Variants in ARMC9 observed in about 807,000 individuals in gnomAD.
ARMC9 encodes the protein lisH domain-containing protein ARMC9.
A neutral mutation model predicts 107.0 loss-of-function variants in ARMC9; 94 were observed. That is an observed-to-expected ratio of 0.88 (90% CI 0.74 to 1.04). The LOEUF is 1.04. Among genes scored for constraint, ARMC9 ranks in the 50% least tolerant of loss-of-function variants. The pLI is 0.00. For synonymous variants in ARMC9, 380 were observed against 396.9 expected, an observed-to-expected ratio of 0.96 and a Z score of 0.51; for missense variants, 942 against 1,030.1, an observed-to-expected ratio of 0.91 and a Z score of 1.17.
intron 7 of ARMC9, among the ~76,000 whole-genome samples, chr2:231,228,931 T>C (rs1323271866): frequency 6.6e-6 from 1 of 152,118 alleles, no homozygotes; most frequent in Non-Finnish European, 1.5e-5. Flanking sequence ...GGGAGCATTA[T>C]GTAAATCTGA....
intron 20 of ARMC9, among the ~76,000 whole-genome samples, chr2:231,332,789 C>T (rs892934546): frequency 6.6e-6 from 1 of 152,118 alleles, no homozygotes; most frequent in Non-Finnish European, 1.5e-5. Flanking sequence ...GACTGAAACC[C>T]TGTGTGGGAC....
Position 231,371,658 on chromosome 2 carries a change from G to A in ARMC9, c.*123G>A, listed in dbSNP as rs2046024689. The A allele has an allele frequency of 9.8e-7, 1 of 1,025,116 alleles. No individual in the cohort carries two copies. Among genetic ancestry groups the A allele is most frequent in the Non-Finnish European group, 1.3e-6 (1 of 799,350 alleles). The allele number at this position is 1,025,116 out of a possible 1,614,324, so 63.5% of individuals were successfully genotyped here. On this transcript the variant is annotated 3_prime_UTR_variant, in exon 25 of 25. Coordinates refer to ENST00000611582, the MANE Select transcript of ARMC9 (RefSeq NM_001352754.2). ...TGTCCACAAGACTCTGGGAGCTGAG[G>A]GGAGGCCGGCTCTCCAGGCAGCACC... is the stretch of plus-strand genomic sequence containing the variant.
At chr2:231,353,387 T>C (rs2045188294) in intron 21 of ARMC9, among the ~76,000 whole-genome samples, 1 of 124,932 alleles carries the variant, frequency 8.0e-6, no homozygotes, top group Admixed American at 7.2e-5. Flanking sequence ...GGGGTTTCAC[T>C]GTGTTAGGAT....
intron 16 of ARMC9, among the ~76,000 whole-genome samples, chr2:231,280,629 C>T (rs1347190805): frequency 5.3e-5 from 8 of 151,988 alleles, no homozygotes; most frequent in Non-Finnish European, 4.4e-5. Context: ...AAAAGATGCA[C>T]ATAACTGACT....
At position 231,372,973 on chromosome 2, in the gene ARMC9, A is replaced by T. The variant is rs1421996979; in HGVS notation, c.*1438A>T. On this transcript the variant is annotated 3_prime_UTR_variant, in exon 25 of 25. Transcript: ENST00000611582. ...TTACCCATGAGATGACCAGAAGCTCATCCAGGGCCGGGACCCTGGTTCATC... is the reference window on the plus strand; with the variant it reads ...TTACCCATGAGATGACCAGAAGCTCTTCCAGGGCCGGGACCCTGGTTCATC... 6.6e-6 allele frequency: 1 copy of T among 152,206 alleles called. No homozygotes were observed. The highest frequency in any genetic ancestry group is 2.4e-5 in the African/African-American group (1 of 41,440). The allele number at this position is 152,206 out of a possible 1,614,324, so 9.4% of individuals were successfully genotyped here.
At chr2:231,325,941 A>C (rs562047436) in intron 19 of ARMC9, among the ~76,000 whole-genome samples, 1 of 152,164 alleles carries the variant, frequency 6.6e-6, no homozygotes, top group Non-Finnish European at 1.5e-5. Flanking sequence ...GGTAACTGTG[A>C]GCCTGGGCCC....
intron 11 of ARMC9, among the ~76,000 whole-genome samples, chr2:231,259,527 C>T (rs1018830071): frequency 1.4e-4 from 22 of 152,160 alleles, no homozygotes; most frequent in African/African-American, 5.3e-4. Context: ...GTCCTGGTCC[C>T]CATCGCTACT....
intron 12 of ARMC9, 44 bp downstream of exon 12, chr2:231,262,442 C>A: frequency 1.3e-6 from 2 of 1,529,348 alleles, no homozygotes; most frequent in East Asian, 2.3e-5. Context: ...GCCTTCAATT[C>A]TAGGGAATGA....
intron 7 of ARMC9, among the ~76,000 whole-genome samples, chr2:231,233,477 TAA>T (rs1219422715): frequency 6.6e-6 from 1 of 152,084 alleles, no homozygotes; most frequent in Non-Finnish European, 1.5e-5. Context: ...CTGCCACTTT[TAA>T]AAGTTATCTA....
chr2:231,362,684 TCCTC>T lies in ARMC9; in HGVS notation c.2261+1806_2261+1809del, dbSNP rs2045638840. The T allele has an allele frequency of 6.6e-6, 1 of 152,268 alleles. No homozygotes were observed. The highest frequency in any genetic ancestry group is 1.5e-5 in the Non-Finnish European group (1 of 67,900). The allele number at this position is 152,268 out of a possible 1,614,324, so 9.4% of individuals were successfully genotyped here. A position where few individuals can be genotyped will look rare whatever the true frequency, so the allele number is the denominator to read the frequency against. On this transcript the variant is annotated intron_variant, in intron 23 of 24. Transcript: ENST00000611582. This position sits in a 1 kb window ranked among gnomAD's most constrained non-coding sequence, Gnocchi z 4.7. ...AGTACAAGTTGTTCCATCTTCCTCT[TCCTC>T]CCTCACTGGCAACGTCATCTAGAAT...
rs138611885 is a variant in ARMC9, at chr2:231,375,801, C to T, written c.*4266C>T. 1.9e-4 allele frequency among the ~76,000 whole-genome samples: 29 copies of T among 152,158 alleles called. No homozygotes were observed. In the Middle Eastern group the frequency reaches 0.01, roughly 54 times the overall value. On this transcript the variant is annotated 3_prime_UTR_variant, in exon 25 of 25. Coordinates refer to ENST00000611582, the MANE Select transcript of ARMC9 (RefSeq NM_001352754.2). This position sits in a 1 kb window ranked among gnomAD's most constrained non-coding sequence, Gnocchi z 4.3. Reference sequence around the variant, plus strand: ...TAAAGCCTGGGGGTGGATGGGATCTCAGAAGGGGGACTAGAGAAATAGGAA... The same window carrying T: ...TAAAGCCTGGGGGTGGATGGGATCTTAGAAGGGGGACTAGAGAAATAGGAA...
chr2:231,312,778 T>A (rs1235028087), intron 19 of ARMC9, among the ~76,000 whole-genome samples: 1 of 152,170 alleles, frequency 6.6e-6, no homozygotes, highest in Non-Finnish European at 1.5e-5. Context: ...TTCAGAAACG[T>A]TACCATTCTT....
chr2:231,303,055 C>CTA (rs775596194), intron 19 of ARMC9, among the ~76,000 whole-genome samples: 3 of 152,180 alleles, frequency 2.0e-5, no homozygotes, highest in Non-Finnish European at 2.9e-5. Context: ...TAATTAAAAT[C>CTA]TATTGATCTA....
chr2:231,366,672 C>G (rs1303829643), intron 23 of ARMC9, among the ~76,000 whole-genome samples: 4 of 151,832 alleles, frequency 2.6e-5, no homozygotes, highest in African/African-American at 9.7e-5. Flanking sequence ...GAAAACCCGT[C>G]TCTACTAAAA....
chr2:231,292,731 CCACATCCCTGCAAGT>C (rs1315931487), intron 18 of ARMC9, among the ~76,000 whole-genome samples: 1 of 152,200 alleles, frequency 6.6e-6, no homozygotes, highest in East Asian at 1.9e-4. Flanking sequence ...ACCCAGCAGT[CCACATCCCTGCAAGT>C]CACATGCGTG....
intron 19 of ARMC9, among the ~76,000 whole-genome samples, chr2:231,320,736 A>G (rs2042951973): frequency 6.6e-6 from 1 of 152,176 alleles, no homozygotes; most frequent in African/African-American, 2.4e-5. Context: ...TCTTATTGGC[A>G]GGTGAGCTGA....
In ARMC9 at chr2:231,270,448, A is replaced by G. The variant is rs895336239; in HGVS notation, c.1120-534A>G. 54 of 361,864 alleles carry G rather than the reference A, an allele frequency of 1.5e-4. 1 individual carries two copies. Among genetic ancestry groups the G allele is most frequent in the South Asian group, 1.1e-3 (53 of 47,712 alleles). 22.4% of individuals were successfully genotyped at this position (361,864 alleles called of 1,614,324 possible). A position where few individuals can be genotyped will look rare whatever the true frequency, so the allele number is the denominator to read the frequency against. On this transcript the variant is annotated intron_variant, in intron 12 of 24. Transcript: ENST00000611582. ...CTCTTAAGTGCTTTGAGGAGTGAGT[A>G]ATGGAAATTGGGTAATTCCACAGTG...
At chr2:231,207,347 A>T (rs1392689458) in intron 2 of ARMC9, among the ~76,000 whole-genome samples, 3 of 152,020 alleles carry the variant, frequency 2.0e-5, no homozygotes, top group African/African-American at 7.3e-5. Flanking sequence ...TTTATTTGAG[A>T]TGGGGTCTCG....
chr2:231,206,121 T>G (rs1402216314), intron 1 of ARMC9, 77 bp from the exon 2 acceptor site: 5 of 869,210 alleles, frequency 5.8e-6, no homozygotes, highest in Non-Finnish European at 9.7e-6. Flanking sequence ...GCCATTATTC[T>G]GCTCACCACA....
Sources: gnomAD v4.1 joint callset for allele counts (sites outside exome capture counted in the v4.1 genomes callset) on GRCh38, gnomAD v4.1.1 for gene constraint, Gnocchi (gnomAD v3.1) non-coding constraint, MANE v1.5 for transcripts, NCBI Gene and HGNC (gene_info 2026-07-23, HGNC 2026-07-21) for gene names.